Variants in LRGUK observed in about 807,000 individuals in gnomAD.
The protein encoded by LRGUK is leucine-rich repeat and guanylate kinase domain-containing protein.
In LRGUK, 65 loss-of-function variants were observed where a neutral mutation model predicts 76.0. The observed-to-expected ratio is 0.85, with a 90% CI of 0.70 to 1.05. The LOEUF is 1.05. Among genes scored for constraint, LRGUK ranks in the 50% least tolerant of loss-of-function variants. LRGUK has a pLI of 0.00. For synonymous variants in LRGUK, 268 were observed against 265.6 expected (o/e 1.01, Z -0.09); for missense variants, 758 against 732.8 (o/e 1.03, Z -0.40).
At chr7:134,180,178 T>C (rs1799677773) in intron 10 of LRGUK, among the ~76,000 whole-genome samples, 1 of 152,158 alleles carries the variant, frequency 6.6e-6, no homozygotes, top group Non-Finnish European at 1.5e-5. Context: ...AAAATAGTAT[T>C]TCCCAATTCC....
chr7:134,127,767 A>C, intron 1 of LRGUK, 103 bp downstream of exon 1: 3 of 1,290,734 alleles, frequency 2.3e-6, no homozygotes, highest in Non-Finnish European at 3.1e-6. Flanking sequence ...AGCTTCCCAC[A>C]CCTTCTCAGG....
At chr7:134,155,981 T>C (rs1798438447) in intron 5 of LRGUK, among the ~76,000 whole-genome samples, 1 of 152,216 alleles carries the variant, frequency 6.6e-6, no homozygotes, top group Non-Finnish European at 1.5e-5. Flanking sequence ...TTGTCTAGAA[T>C]ACATACTAAG....
intron 7 of LRGUK, among the ~76,000 whole-genome samples, chr7:134,171,891 G>A (rs1024010261): frequency 3.3e-5 from 5 of 152,076 alleles, no homozygotes; most frequent in Admixed American, 6.6e-5. Flanking sequence ...GAGGGAGGGC[G>A]CATGCAGGGC....
At chr7:134,212,748 G>T (rs1801321972), downstream of LRGUK, among the ~76,000 whole-genome samples, 1 of 152,198 alleles carries the variant, frequency 6.6e-6, no homozygotes, top group Non-Finnish European at 1.5e-5. Context: ...AGTGATGGTT[G>T]CTAGATAAGG....
At chr7:134,226,629 A>C (rs2117165503) in intron 16 of LRGUK, among the ~76,000 whole-genome samples, 1 of 152,280 alleles carries the variant, frequency 6.6e-6, no homozygotes, top group Non-Finnish European at 1.5e-5. Flanking sequence ...AAATGCGCTA[A>C]CTTTTGAATA....
intron 16 of LRGUK, among the ~76,000 whole-genome samples, chr7:134,242,865 T>G (rs936666015): frequency 9.2e-5 from 14 of 152,116 alleles, no homozygotes; most frequent in Non-Finnish European, 1.6e-4. Flanking sequence ...ACGATCAAGT[T>G]GGCTTCATCC....
At chr7:134,161,914 G>T (rs111563804) in intron 6 of LRGUK, among the ~76,000 whole-genome samples, 1 of 151,968 alleles carries the variant, frequency 6.6e-6, no homozygotes, top group Non-Finnish European at 1.5e-5. Flanking sequence ...GGATGGTCTC[G>T]ATCTCCTGAC....
At chr7:134,253,319 G>T (rs1278659971) in intron 18 of LRGUK, among the ~76,000 whole-genome samples, 1 of 152,184 alleles carries the variant, frequency 6.6e-6, no homozygotes, top group African/African-American at 2.4e-5. Context: ...CAAAGTTGAG[G>T]AGGTAGAGGT....
intron 18 of LRGUK, among the ~76,000 whole-genome samples, chr7:134,255,932 T>A (rs1235899582): frequency 6.6e-6 from 1 of 152,048 alleles, no homozygotes; most frequent in Non-Finnish European, 1.5e-5. Flanking sequence ...GCACGGTCTA[T>A]AAATACTTCA....
chr7:134,201,369 C>T (rs1800761110), intron 14 of LRGUK, 112 bp from the exon 15 acceptor site: 1 of 789,056 alleles, frequency 1.3e-6, no homozygotes, highest in African/African-American at 1.7e-5. Context: ...ATTCTGCCTA[C>T]CATAATATAT....
intron 18 of LRGUK, among the ~76,000 whole-genome samples, chr7:134,251,271 A>G (rs183613491): frequency 2.5e-4 from 38 of 152,300 alleles, no homozygotes; most frequent in Non-Finnish European, 3.7e-4. Flanking sequence ...AGAAATTTGG[A>G]CACAGGCACA....
intron 16 of LRGUK, among the ~76,000 whole-genome samples, chr7:134,228,848 T>C (rs566241618): frequency 1.3e-5 from 2 of 152,080 alleles, no homozygotes; most frequent in Admixed American, 6.5e-5. Context: ...TAAAAGAAGA[T>C]TAGGAAATGT....
intron 16 of LRGUK, among the ~76,000 whole-genome samples, chr7:134,243,691 G>GA (rs1296113259): frequency 1.3e-5 from 2 of 151,978 alleles, no homozygotes; most frequent in African/African-American, 4.8e-5. Context: ...CACAGAATTG[G>GA]AAAAAACTAC....
In LRGUK at chr7:134,127,928, C is replaced by T. The variant is rs143935136; in HGVS notation, c.297+264C>T. On this transcript the variant is annotated intron_variant, in intron 1 of 15. Transcript: ENST00000645682. Reference sequence around the variant, plus strand: ...CTTATGAGTCGAGTTAACACAGCGTCACTTTGTAAGAGTGTCTAGATAATT... The same window carrying T: ...CTTATGAGTCGAGTTAACACAGCGTTACTTTGTAAGAGTGTCTAGATAATT... 7.4e-4 allele frequency among the ~76,000 whole-genome samples: 113 copies of T among 152,038 alleles called. 1 individual carries two copies. In the East Asian group the frequency reaches 0.021, roughly 29 times the overall value.
intron 10 of LRGUK, among the ~76,000 whole-genome samples, chr7:134,182,787 G>A (rs537948122): frequency 3.0e-4 from 46 of 152,232 alleles, no homozygotes; most frequent in African/African-American, 1.0e-3. Flanking sequence ...TTTTGAGACA[G>A]TTTCACTCTT....
At chr7:134,217,432 A>T (rs901495963) in intron 15 of LRGUK, among the ~76,000 whole-genome samples, 1 of 152,176 alleles carries the variant, frequency 6.6e-6, no homozygotes, top group African/African-American at 2.4e-5. Context: ...CTGTTAGTAT[A>T]GTTTAATAAA....
intron 10 of LRGUK, among the ~76,000 whole-genome samples, chr7:134,182,073 A>T (rs1212979926): frequency 3.3e-5 from 5 of 152,210 alleles, no homozygotes; most frequent in Admixed American, 3.3e-4. Context: ...CTGTTATTTC[A>T]AACATGTAAT....
chr7:134,143,121 T>C, exon 4 of LRGUK: 5 of 1,610,700 alleles, frequency 3.1e-6, no homozygotes, highest in Non-Finnish European at 4.2e-6. Context: ...TCAAAATAAT[T>C]TGACTACGTT....
chr7:134,155,968 G>T (rs1438590074), intron 5 of LRGUK, among the ~76,000 whole-genome samples: 1 of 152,150 alleles, frequency 6.6e-6, no homozygotes, highest in Non-Finnish European at 1.5e-5. Flanking sequence ...AGGAAGAAAT[G>T]GTTTGTCTAG....
Sources: gnomAD v4.1 joint callset for allele counts (sites outside exome capture counted in the v4.1 genomes callset) on GRCh38, gnomAD v4.1.1 for gene constraint, MANE v1.5 for transcripts, NCBI Gene and HGNC (gene_info 2026-07-23, HGNC 2026-07-21) for gene names.